ARHGEF18: variants seen among roughly 807,000 people sequenced by gnomAD.
ARHGEF18 encodes rho guanine nucleotide exchange factor 18.
ARHGEF18 carries 93 observed loss-of-function variants against 155.7 expected under a neutral mutation model. The observed-to-expected ratio is 0.60, with a 90% CI of 0.50 to 0.71. ARHGEF18 has a LOEUF of 0.71. Among genes scored for constraint, ARHGEF18 ranks in the 30% least tolerant of loss-of-function variants. The pLI is 0.00. For synonymous variants in ARHGEF18, 742 were observed against 753.1 expected (o/e 0.99, Z 0.24); for missense variants, 1,593 against 1,816.1 (o/e 0.88, Z 2.23).
intron 1 of ARHGEF18, among the ~76,000 whole-genome samples, chr19:7,361,448 CT>C (rs1333714725): frequency 1.3e-5 from 2 of 151,990 alleles, no homozygotes; most frequent in Non-Finnish European, 2.9e-5. Flanking sequence ...AAAAAAGAGA[CT>C]GCATAACAGC....
At position 7,433,398 on chromosome 19, in the gene ARHGEF18, C is replaced by T. The variant is rs141608051; in HGVS notation, c.968-6946C>T. ...AGGAGAATCACTTGAACCCAGGAGG[C>T]GGGGTTGCAGTGAGCCAAGATTGCA... On this transcript the variant is annotated intron_variant, in intron 10 of 28. Transcript: ENST00000668164. Among the ~76,000 whole-genome samples the T allele has an allele frequency of 9.8e-5, 14 of 142,382 alleles. No individual in the cohort carries two copies. In the East Asian group the frequency reaches 2.0e-3, roughly 21 times the overall value. The allele number at this position is 142,382 out of a possible 152,430, so 93.4% of individuals were successfully genotyped here.
intron 18 of ARHGEF18, among the ~76,000 whole-genome samples, chr19:7,457,570 C>T (rs1429655723): frequency 1.4e-4 from 21 of 151,792 alleles, no homozygotes; most frequent in Admixed American, 1.4e-3. Flanking sequence ...ACCATGTTGG[C>T]CAGGCTGGTC....
Position 7,462,048 on chromosome 19 carries a change from G to C in ARHGEF18, c.2453-104G>C. On this transcript the variant is annotated intron_variant, in intron 20 of 28. Transcript: ENST00000668164. The surrounding 1 kb of genome is among the most constrained non-coding windows in gnomAD (Gnocchi z 4.4). ...GACACAAGGGGGCAGCCTACCTCAG[G>C]GCAGGGCCAGCGGGGTTCCTCATCC... 1 of 1,394,704 alleles carries C rather than the reference G, an allele frequency of 7.2e-7. No individual in the cohort carries two copies. Among genetic ancestry groups the C allele is most frequent in the African/African-American group, 1.4e-5 (1 of 70,684 alleles). 86.4% of individuals were successfully genotyped at this position (1,394,704 alleles called of 1,614,324 possible). A position where few individuals can be genotyped will look rare whatever the true frequency, so the allele number is the denominator to read the frequency against.
At chr19:7,402,217 G>A (rs1045203736) in intron 10 of ARHGEF18, among the ~76,000 whole-genome samples, 2 of 152,050 alleles carry the variant, frequency 1.3e-5, no homozygotes, top group African/African-American at 4.8e-5. Context: ...TCAGGAGTTC[G>A]AGACCAGCCT....
intron 10 of ARHGEF18, among the ~76,000 whole-genome samples, chr19:7,411,285 T>TCCCCC (rs1555712592): frequency 5.3e-5 from 7 of 131,182 alleles, no homozygotes; most frequent in Admixed American, 8.4e-5. Flanking sequence ...CCTTTCCCTT[T>TCCCCC]CCCTCCCCTC....
intron 1 of ARHGEF18, among the ~76,000 whole-genome samples, chr19:7,359,593 C>T (rs1165898238): frequency 6.6e-6 from 1 of 152,048 alleles, no homozygotes; most frequent in East Asian, 1.9e-4. Flanking sequence ...AGGATAAAGG[C>T]TTAGTCTATG....
rs750252341 is a variant in ARHGEF18 at position 7,469,035 on chromosome 19, G to A, written c.3691G>A (p.Val1231Met). The A allele has an allele frequency of 2.6e-5, 42 of 1,602,654 alleles. No individual in the cohort carries two copies. The highest frequency in any genetic ancestry group is 1.7e-4 in the Middle Eastern group (1 of 5,970). ...ATNQFQRQAAVQQQIPTKLAA... is the reference protein window; with the variant it reads ...ATNQFQRQAAMQQQIPTKLAA... ...CAACCAGTTCCAGAGGCAGGCGGCC[G>A]TGCAGCAGCAGATCCCCACCAAGCT... The change falls in exon 27 of 29, where the codon GTG becomes ATG. Residue 1231 changes from valine (V) to methionine (M), a missense_variant. By Grantham distance (21) the Val-to-Met change is conservative (BLOSUM62 1). Transcript: ENST00000668164.
intron 10 of ARHGEF18, among the ~76,000 whole-genome samples, chr19:7,431,713 C>T (rs1000472336): frequency 6.6e-5 from 10 of 151,998 alleles, no homozygotes; most frequent in Non-Finnish European, 2.9e-5. Context: ...ACTCGGGAGG[C>T]TGAGGCAGAA....
downstream of ARHGEF18, chr19:7,472,715 T>C (rs1469565590): frequency 1.0e-5 from 3 of 296,364 alleles, no homozygotes; most frequent in Middle Eastern, 1.3e-3. Context: ...TGTTTGTTTT[T>C]TTGAGACAGA....
At chr19:7,446,190 T>G (rs933144434) in intron 14 of ARHGEF18, among the ~76,000 whole-genome samples, 1 of 151,876 alleles carries the variant, frequency 6.6e-6, no homozygotes, top group African/African-American at 2.4e-5. Context: ...CTTGAGGTTA[T>G]GAGTTCAAGG....
chr19:7,410,958 A>G (rs921734401), intron 10 of ARHGEF18, among the ~76,000 whole-genome samples: 51 of 150,724 alleles, frequency 3.4e-4, no homozygotes, highest in Admixed American at 2.4e-3. Context: ...GACCTCTTAT[A>G]CTTCAGCATC....
intron 10 of ARHGEF18, among the ~76,000 whole-genome samples, chr19:7,404,467 T>G (rs1471445981): frequency 6.7e-6 from 1 of 148,438 alleles, no homozygotes; most frequent in Non-Finnish European, 1.5e-5. Flanking sequence ...CTTTTTTTTT[T>G]TTTTTTTTTT....
At chr19:7,438,225 C>T (rs572253482) in intron 10 of ARHGEF18, among the ~76,000 whole-genome samples, 10 of 151,744 alleles carry the variant, frequency 6.6e-5, no homozygotes, top group Admixed American at 4.6e-4. Context: ...CTCAGCCTCC[C>T]GAGTAGCTGA....
At chr19:7,364,729 A>G (rs1279611142) in intron 2 of ARHGEF18, among the ~76,000 whole-genome samples, 1 of 152,096 alleles carries the variant, frequency 6.6e-6, no homozygotes, top group Non-Finnish European at 1.5e-5. Context: ...GCTTCAGGGA[A>G]GGTCTCCTGG....
rs1365705086 is a variant in ARHGEF18, at chr19:7,463,896, G to A, written c.2714G>A (p.Gly905Asp). The A allele has an allele frequency of 2.5e-6, 4 of 1,600,006 alleles. No individual in the cohort carries two copies. The highest frequency in any genetic ancestry group is 3.4e-6 in the Non-Finnish European group (4 of 1,174,066). Residue 905 changes from glycine (G) to aspartate (D), a missense_variant, in exon 22 of 29, where the codon GGC becomes GAC. Coordinates refer to ENST00000668164, the MANE Select transcript of ARHGEF18 (RefSeq NM_001367823.1). The surrounding 1 kb of genome is among the most constrained non-coding windows in gnomAD (Gnocchi z 5.2). ...GCGGAAGACGGAGGCAGCTCCACAG[G>A]CCCGCCCAGGAGGGCTGAGACCTTC... is the stretch of plus-strand genomic sequence containing the variant. ...GQAEDGGSST[G>D]PPRRAETFAG...
chr19:7,393,047 CAA>C (rs60015151), intron 10 of ARHGEF18, among the ~76,000 whole-genome samples: 2,151 of 56,580 alleles, frequency 0.038, 28 homozygotes, highest in African/African-American at 0.12. Flanking sequence ...GATCCTGTCT[CAA>C]AAAAAAAAAA....
chr19:7,477,326 C>CG, downstream of ARHGEF18: 3 of 1,560,174 alleles, frequency 1.9e-6, no homozygotes, highest in East Asian at 2.4e-5. Flanking sequence ...CAGCACGCCC[C>CG]GGGGCAGCCA....
intron 1 of ARHGEF18, among the ~76,000 whole-genome samples, chr19:7,353,716 G>T (rs1969212078): frequency 1.3e-5 from 2 of 151,988 alleles, no homozygotes; most frequent in Non-Finnish European, 1.5e-5. Flanking sequence ...ACTTTCGGAG[G>T]CCGAGGTGGG....
chr19:7,451,539 C>T (rs1044952919), intron 16 of ARHGEF18, among the ~76,000 whole-genome samples: 14 of 151,482 alleles, frequency 9.2e-5, no homozygotes, highest in Admixed American at 7.2e-4. Context: ...GCCTCCCAAG[C>T]ACCTGGGACT....
Sources: allele counts gnomAD v4.1 joint callset (sites outside exome capture counted in the v4.1 genomes callset), GRCh38; gene constraint gnomAD v4.1.1; non-coding constraint Gnocchi (gnomAD v3.1); transcripts MANE v1.5; gene names NCBI Gene and HGNC (gene_info 2026-07-23, HGNC 2026-07-21).